HHIPL1: variants seen among roughly 807,000 people sequenced by gnomAD.
The protein encoded by HHIPL1 is HHIP like 1.
A neutral mutation model predicts 61.8 loss-of-function variants in HHIPL1; 43 were observed. That is an observed-to-expected ratio of 0.70 (90% CI 0.55 to 0.90). The LOEUF is 0.90. Among genes scored for constraint, HHIPL1 ranks in the 40% least tolerant of loss-of-function variants. The pLI is 0.00. For synonymous variants in HHIPL1, 482 were observed against 515.8 expected, an observed-to-expected ratio of 0.93 and a Z score of 0.89; for missense variants, 1,056 against 1,157.7, an observed-to-expected ratio of 0.91 and a Z score of 1.28.
At chr14:99,669,337 C>G in intron 7 of HHIPL1, 1 of 1,011,390 alleles carries the variant, frequency 9.9e-7, no homozygotes, top group Non-Finnish European at 1.2e-6. Context: ...GTCTGAACGT[C>G]TCTTCAACAC....
At chr14:99,659,858 C>CA in intron 4 of HHIPL1, 102 bp downstream of exon 4, 1 of 631,556 alleles carries the variant, frequency 1.6e-6, no homozygotes, top group Admixed American at 4.5e-5. Context: ...CCCCCCCCCC[C>CA]CGGAGATCCC....
the HHIPL1 span, among the ~76,000 whole-genome samples, chr14:99,638,040 G>A: frequency 3.9e-5 from 6 of 152,356 alleles, no homozygotes; most frequent in Admixed American, 3.3e-4. Context: ...CACGGGTGAA[G>A]TCTGGTGGTG....
At chr14:99,632,125 G>C in the HHIPL1 span, among the ~76,000 whole-genome samples, 1 of 152,210 alleles carries the variant, frequency 6.6e-6, no homozygotes, top group African/African-American at 2.4e-5. Flanking sequence ...TAGAGTCTCT[G>C]TCATCCGTCT....
chr14:99,605,569 G>A, the HHIPL1 span, among the ~76,000 whole-genome samples: 1 of 152,244 alleles, frequency 6.6e-6, no homozygotes, highest in Non-Finnish European at 1.5e-5. Context: ...AGCCCCGGGG[G>A]ATTCTGCAGG....
rs2056419877 is a variant in HHIPL1 at position 99,679,452 on chromosome 14, T to A, written c.*3826T>A. The A allele has an allele frequency of 6.6e-6, 1 of 152,464 alleles. No homozygotes were observed. The highest frequency in any genetic ancestry group is 2.4e-5 in the African/African-American group (1 of 41,448). 9.4% of individuals were successfully genotyped at this position (152,464 alleles called of 1,614,324 possible). ...CCCTGCCCAGTGCCACACAGCTTAG[T>A]GCTGGAGCCTCAGGGTCAATGCTGC... On this transcript the variant is annotated 3_prime_UTR_variant, in exon 9 of 9. Transcript: ENST00000330710.
the HHIPL1 span, among the ~76,000 whole-genome samples, chr14:99,614,331 C>G: frequency 6.6e-6 from 1 of 152,128 alleles, no homozygotes; most frequent in Non-Finnish European, 1.5e-5. Flanking sequence ...GTAGCTCGCC[C>G]AGCTCAGCCC....
chr14:99,658,718 A>G (rs758840759), intron 3 of HHIPL1, among the ~76,000 whole-genome samples: 7 of 152,058 alleles, frequency 4.6e-5, no homozygotes, highest in Non-Finnish European at 8.8e-5. Context: ...TATCCTCCTT[A>G]GCTGCTTGGA....
the HHIPL1 span, among the ~76,000 whole-genome samples, chr14:99,631,351 G>A: frequency 6.6e-6 from 1 of 151,996 alleles, no homozygotes; most frequent in Non-Finnish European, 1.5e-5. Context: ...GATTACAGGC[G>A]TGAGCCACCG....
chr14:99,661,421 A>AGAAG lies in HHIPL1; in HGVS notation c.1502+1042_1502+1045dup, dbSNP rs11276316. Among the ~76,000 whole-genome samples the AGAAG allele has an allele frequency of 6.6e-3, 945 of 143,504 alleles. 9 individuals are homozygous for AGAAG. The highest frequency in any genetic ancestry group is 0.018 in the Middle Eastern group (5 of 278). The allele number at this position is 143,504 out of a possible 152,430, so 94.1% of individuals were successfully genotyped here. A position where few individuals can be genotyped will look rare whatever the true frequency, so the allele number is the denominator to read the frequency against. Reference sequence around the variant, plus strand: ...AGAAAGAAAGAGAGAGAGAGAGAAAAGAAGGAAGGAAGGAAGGAAGGAAGG... The same window carrying AGAAG: ...AGAAAGAAAGAGAGAGAGAGAGAAAAGAAGGAAGGAAGGAAGGAAGGAAGGAAGG... On this transcript the variant is annotated intron_variant, in intron 5 of 8. Transcript: ENST00000330710.
the HHIPL1 span, chr14:99,624,841 C>T: frequency 2.4e-4 from 37 of 152,250 alleles, no homozygotes; most frequent in African/African-American, 5.3e-4. Flanking sequence ...TCTCCAAGGC[C>T]GGAAGCAAGC....
intron 1 of HHIPL1, among the ~76,000 whole-genome samples, chr14:99,647,177 G>A (rs1185649759): frequency 6.6e-6 from 1 of 152,198 alleles, no homozygotes; most frequent in Non-Finnish European, 1.5e-5. Flanking sequence ...GACTCTGGGA[G>A]GATGAGGAGG....
At chr14:99,659,378 C>T in intron 3 of HHIPL1, 50 bp from the exon 4 acceptor site, 1 of 1,351,824 alleles carries the variant, frequency 7.4e-7, no homozygotes, top group African/African-American at 1.5e-5. Context: ...AGCCCGTGAG[C>T]CCTGGCTCAG....
In HHIPL1 at chr14:99,672,342, A is replaced by C; in HGVS notation, c.1756A>C (p.Ile586Leu). 1 of 1,551,216 alleles carries C rather than the reference A, an allele frequency of 6.4e-7. No homozygotes were observed. Among genetic ancestry groups the C allele is most frequent in the Non-Finnish European group, 8.7e-7 (1 of 1,146,922 alleles). Reference sequence around the variant, plus strand: ...GCGGGCACCACCTGGCAAATGTCAGATCCAGCCTGCTCAGGTGAAGATCAG... The same window carrying C: ...GCGGGCACCACCTGGCAAATGTCAGCTCCAGCCTGCTCAGGTGAAGATCAG... Reference protein sequence around the residue: ...SRRAPPGKCQIQPAQVKIRSR... With the variant: ...SRRAPPGKCQLQPAQVKIRSR... Residue 586 changes from isoleucine (I) to leucine (L), a missense_variant, in exon 8 of 9, where the codon ATC (isoleucine) becomes CTC (leucine). Coordinates refer to ENST00000330710, the MANE Select transcript of HHIPL1 (RefSeq NM_001127258.3).
At chr14:99,654,034 CA>C (rs1200142217) in intron 2 of HHIPL1, among the ~76,000 whole-genome samples, 3 of 151,970 alleles carry the variant, frequency 2.0e-5, no homozygotes, top group Non-Finnish European at 4.4e-5. Context: ...ACTAAAAACA[CA>C]AAAACTATCT....
chr14:99,659,597 C>T lies in HHIPL1; in HGVS notation c.1216C>T (p.Pro406Ser). ...GCGCTGCTCCTTCGACCGTGGCGAC[C>T]CCTCCTCGGGCACTGGCCGCGGGCG... Reference protein sequence around the residue: ...MWRCSFDRGDPSSGTGRGRLF... With the variant: ...MWRCSFDRGDSSSGTGRGRLF... Residue 406 changes from proline to serine, a missense_variant, in exon 4 of 9, where the codon CCC becomes TCC. Transcript: ENST00000330710. 1 of 1,552,604 alleles carries T rather than the reference C, an allele frequency of 6.4e-7. No individual in the cohort carries two copies. The highest frequency in any genetic ancestry group is 8.7e-7 in the Non-Finnish European group (1 of 1,152,258).
chr14:99,643,242 G>A (rs1194371305), upstream of HHIPL1, among the ~76,000 whole-genome samples: 1 of 151,988 alleles, frequency 6.6e-6, no homozygotes, highest in Non-Finnish European at 1.5e-5. Context: ...ATTTCACCAT[G>A]TTGACCAGGC....
At chr14:99,610,236 T>G in the HHIPL1 span, among the ~76,000 whole-genome samples, 1 of 152,168 alleles carries the variant, frequency 6.6e-6, no homozygotes, top group Non-Finnish European at 1.5e-5. Flanking sequence ...ATTGCCTCAA[T>G]GCACTTAATA....
intron 2 of HHIPL1, 39 bp from the exon 3 acceptor site, chr14:99,656,961 G>C: frequency 6.5e-7 from 1 of 1,548,740 alleles, no homozygotes; most frequent in Non-Finnish European, 8.7e-7. Context: ...TGGCTCATGC[G>C]TGGAAGGCTG....
the HHIPL1 span, among the ~76,000 whole-genome samples, chr14:99,628,614 A>G: frequency 2.0e-5 from 3 of 152,006 alleles, no homozygotes; most frequent in African/African-American, 4.8e-5. Flanking sequence ...AGAAAAAAAA[A>G]GAAAACAACA....
Sources: gnomAD v4.1 joint callset for allele counts (sites outside exome capture counted in the v4.1 genomes callset) on GRCh38, gnomAD v4.1.1 for gene constraint, MANE v1.5 for transcripts, NCBI Gene and HGNC (gene_info 2026-07-23, HGNC 2026-07-21) for gene names.